Variants in TANC2 observed in about 807,000 individuals in gnomAD.
TANC2 encodes tetratricopeptide repeat, ankyrin repeat and coiled-coil containing 2.
Under a neutral mutation model 210.5 loss-of-function variants are expected in TANC2, and 26 were observed. The observed-to-expected ratio is 0.12, with a 90% CI of 0.09 to 0.17. TANC2 has a LOEUF of 0.17. TANC2 is among the 10% of genes least tolerant of loss of function. The pLI, the probability that TANC2 is intolerant of heterozygous loss-of-function variation, is 1.00. For missense variants in TANC2, 2,129 were observed against 2,608.9 expected, an observed-to-expected ratio of 0.82 and a Z score of 4.01; for synonymous variants, 931 against 967.1, an observed-to-expected ratio of 0.96 and a Z score of 0.69.
rs772293420 is a variant in TANC2 at position 63,126,849 on chromosome 17, A to T, written c.323-24421A>T. 6.6e-5 allele frequency among the ~76,000 whole-genome samples: 10 copies of T among 151,396 alleles called. 1 individual carries two copies. The South Asian group carries it at 2.1e-3, about 32-fold the overall frequency. On this transcript the variant is annotated intron_variant, in intron 4 of 27. Transcript: ENST00000689528. ...TGAGTCACGTTCCTTTTACCTCCCCACCCCCCACTGATTCTTAGGACTCTA... is the reference window on the plus strand; with the variant it reads ...TGAGTCACGTTCCTTTTACCTCCCCTCCCCCCACTGATTCTTAGGACTCTA...
chr17:63,034,136 T>C (rs1244446551), intron 2 of TANC2, among the ~76,000 whole-genome samples: 1 of 152,176 alleles, frequency 6.6e-6, no homozygotes, highest in East Asian at 1.9e-4. Flanking sequence ...TAGGACTTTG[T>C]TGCTAGAGAG....
intron 14 of TANC2, among the ~76,000 whole-genome samples, chr17:63,364,787 TA>T (rs948340292): frequency 2.1e-3 from 294 of 141,954 alleles, no homozygotes; most frequent in East Asian, 3.3e-3. Flanking sequence ...CCCTGACTCT[TA>T]AAAAAAAAAA....
chr17:63,395,677 T>C, intron 17 of TANC2, 66 bp from the exon 18 acceptor site: 2 of 1,454,226 alleles, frequency 1.4e-6, no homozygotes, highest in Non-Finnish European at 9.5e-7. Flanking sequence ...CAGTGGCGGA[T>C]GTGACTAGAT....
At chr17:63,227,384 CATAA>C (rs1481275853) in intron 7 of TANC2, among the ~76,000 whole-genome samples, 7 of 152,152 alleles carry the variant, frequency 4.6e-5, no homozygotes, top group Non-Finnish European at 1.0e-4. Context: ...ACGTTGGCTG[CATAA>C]ATGTCTTCTT....
chr17:63,124,274 C>T (rs1300695948), intron 4 of TANC2, among the ~76,000 whole-genome samples: 2 of 151,470 alleles, frequency 1.3e-5, no homozygotes, highest in Non-Finnish European at 2.9e-5. Context: ...AGAAATACAA[C>T]CTAAGGGACC....
intron 15 of TANC2, chr17:63,387,867 T>C (rs2047835103): frequency 6.6e-6 from 1 of 152,248 alleles, no homozygotes; most frequent in Admixed American, 6.5e-5. Context: ...TATTGCTGTT[T>C]TTTTCCTGAG....
At chr17:62,997,525 A>C (rs939706223) in intron 1 of TANC2, among the ~76,000 whole-genome samples, 2 of 152,188 alleles carry the variant, frequency 1.3e-5, no homozygotes, top group African/African-American at 4.8e-5. Flanking sequence ...AAGGACTCTG[A>C]AGGTCATATC....
intron 8 of TANC2, among the ~76,000 whole-genome samples, chr17:63,248,328 A>G (rs1028235958): frequency 6.6e-5 from 10 of 152,090 alleles, no homozygotes; most frequent in African/African-American, 2.4e-4. Context: ...AAAAAAAAGT[A>G]TATTCACACT....
intron 9 of TANC2, among the ~76,000 whole-genome samples, chr17:63,307,486 T>G (rs2044959448): frequency 2.0e-5 from 3 of 152,320 alleles, no homozygotes; most frequent in South Asian, 4.1e-4. Flanking sequence ...ATTCAGACCT[T>G]CATCCTACAC....
At chr17:63,089,191 G>A (rs996796206) in intron 3 of TANC2, 2 of 152,196 alleles carry the variant, frequency 1.3e-5, no homozygotes, top group Non-Finnish European at 2.9e-5. Flanking sequence ...GAAGACCCTG[G>A]GACAGAGCAT....
At chr17:63,375,205 C>T (rs1244642524) in intron 14 of TANC2, among the ~76,000 whole-genome samples, 1 of 152,120 alleles carries the variant, frequency 6.6e-6, no homozygotes, top group Non-Finnish European at 1.5e-5. Flanking sequence ...ACTTTGAGTC[C>T]AGTGTACTGA....
At chr17:63,000,816 T>TG (rs1241880394) in intron 1 of TANC2, among the ~76,000 whole-genome samples, 1 of 152,144 alleles carries the variant, frequency 6.6e-6, no homozygotes, top group Non-Finnish European at 1.5e-5. Flanking sequence ...CTTCAATTTG[T>TG]GGAATTTCTA....
At chr17:63,253,235 A>G (rs771452810) in intron 8 of TANC2, among the ~76,000 whole-genome samples, 1 of 152,110 alleles carries the variant, frequency 6.6e-6, no homozygotes, top group Non-Finnish European at 1.5e-5. Flanking sequence ...CCTGTTTGCC[A>G]TTTGTATGTC....
At chr17:63,214,944 C>T (rs2041984618) in intron 7 of TANC2, among the ~76,000 whole-genome samples, 1 of 152,108 alleles carries the variant, frequency 6.6e-6, no homozygotes, top group Non-Finnish European at 1.5e-5. Flanking sequence ...AGTTGGTAGT[C>T]AGTTGTAACC....
intron 9 of TANC2, among the ~76,000 whole-genome samples, chr17:63,280,067 G>C (rs930379904): frequency 6.6e-6 from 1 of 152,034 alleles, no homozygotes; most frequent in African/African-American, 2.4e-5. Flanking sequence ...TCTGATTCAC[G>C]TAAAGCTTTT....
Position 63,029,001 on chromosome 17 carries a change from C to T in TANC2, c.67+19375C>T, listed in dbSNP as rs541604218. On this transcript the variant is annotated intron_variant, in intron 2 of 27. Transcript: ENST00000689528. ...TACAAAAAATGGTTTTACTATTTTA[C>T]AGGAGCCTATGGTATTGAAGTATCC... is the stretch of plus-strand genomic sequence containing the variant. 3.3e-5 allele frequency among the ~76,000 whole-genome samples: 5 copies of T among 152,054 alleles called. No individual in the cohort carries two copies. The South Asian group carries it at 8.3e-4, about 25-fold the overall frequency.
chr17:63,060,647 C>T lies in TANC2; in HGVS notation c.68-13296C>T, dbSNP rs370531406. Reference sequence around the variant, plus strand: ...AAAAAAAAACAAGTCCTCATTTAATCTTAATTCTGGAAACAACTGCATATT... The same window carrying T: ...AAAAAAAAACAAGTCCTCATTTAATTTTAATTCTGGAAACAACTGCATATT... On this transcript the variant is annotated intron_variant, in intron 2 of 27. Coordinates refer to ENST00000689528, the Ensembl canonical transcript of TANC2. 3.9e-5 allele frequency among the ~76,000 whole-genome samples: 6 copies of T among 152,048 alleles called. No homozygotes were observed. The East Asian group carries it at 7.7e-4, about 20-fold the overall frequency.
Position 63,420,383 on chromosome 17 carries a change from C to T in TANC2, c.4653C>T (p.Asp1551=). ...CTCTTGGCTCTCATCAGGTTTTTGA[C>T]TTCCGGTCCAGTAGTTCTGTAGGCT... Residue 1551 remains aspartate, a synonymous_variant, in exon 28 of 28, where the codon GAC becomes GAT. Transcript: ENST00000689528. The surrounding 1 kb of genome is among the most constrained non-coding windows in gnomAD (Gnocchi z 4.2). The T allele has an allele frequency of 1.2e-6, 2 of 1,613,958 alleles. No homozygotes were observed. Among genetic ancestry groups the T allele is most frequent in the Admixed American group, 1.7e-5 (1 of 60,022 alleles).
chr17:63,391,545 C>T (rs1436108720), intron 17 of TANC2: 2 of 152,048 alleles, frequency 1.3e-5, no homozygotes, highest in African/African-American at 4.8e-5. Flanking sequence ...GTTAAAGTCT[C>T]TTTTAATCTT....
Sources: gnomAD v4.1 joint callset for allele counts (sites outside exome capture counted in the v4.1 genomes callset) on GRCh38, gnomAD v4.1.1 for gene constraint, Gnocchi (gnomAD v3.1) non-coding constraint, MANE v1.5 for transcripts, NCBI Gene and HGNC (gene_info 2026-07-23, HGNC 2026-07-21) for gene names.